NANP: variants seen among roughly 807,000 people sequenced by gnomAD.
The protein encoded by NANP is N-acetylneuraminic acid phosphatase.
Under a neutral mutation model 16.9 loss-of-function variants are expected in NANP, and 15 were observed. The ratio of observed to expected loss-of-function variants is 0.89; its 90% CI spans 0.59 to 1.37. NANP has a LOEUF of 1.37. NANP is among the 40% of genes most tolerant of loss of function. The pLI, the probability that NANP is intolerant of heterozygous loss-of-function variation, is 0.00. For synonymous variants in NANP, 135 were observed against 112.6 expected, an observed-to-expected ratio of 1.20 and a Z score of -1.26; for missense variants, 290 against 303.5, an observed-to-expected ratio of 0.96 and a Z score of 0.33.
chr20:25,617,642 G>A (rs374360566), intron 1 of NANP, among the ~76,000 whole-genome samples: 6 of 151,986 alleles, frequency 3.9e-5, no homozygotes, highest in East Asian at 3.9e-4. Flanking sequence ...TCAGCCTCCC[G>A]CGTAGGTGAG....
In NANP at chr20:25,613,930, A is replaced by G. The variant is rs538281449; in HGVS notation, c.*1995T>C. On this transcript the variant is annotated 3_prime_UTR_variant, in exon 2 of 2. Coordinates refer to ENST00000304788, the MANE Select transcript of NANP (RefSeq NM_152667.3). The stretch of plus-strand genomic sequence containing the variant: ...GACAAGCCCCCTGCAGCACACGCCA[A>G]CCAATCTATCAGAGCAATCATGCAT... The G allele has an allele frequency of 3.5e-5, 14 of 398,300 alleles. No individual in the cohort carries two copies. The highest frequency in any genetic ancestry group is 2.7e-4 in the African/African-American group (13 of 48,744). The allele number at this position is 398,300 out of a possible 1,614,324, so 24.7% of individuals were successfully genotyped here.
At position 25,623,945 on chromosome 20, in the gene NANP, C is replaced by T; in HGVS notation, c.4G>A (p.Gly2Arg). The T allele has an allele frequency of 6.2e-7, 1 of 1,612,720 alleles. No homozygotes were observed. Among genetic ancestry groups the T allele is most frequent in the South Asian group, 1.1e-5 (1 of 91,046 alleles). The stretch of plus-strand genomic sequence containing the variant: ...AAAACCGCCCGCACGCGGCTCAGCC[C>T]CATAGCGCCGGCCGCTGGCGCGAAC... Reference protein sequence around the residue: MGLSRVRAVFFD... With the variant: MRLSRVRAVFFD... Residue 2 changes from glycine (G) to arginine (R), a missense_variant, in exon 1 of 2, where the codon GGG becomes AGG. Physicochemically the swap from Gly to Arg is moderately radical, Grantham distance 125. Transcript: ENST00000304788.
Position 25,615,676 on chromosome 20 carries a change from T to C in NANP, c.*249A>G, listed in dbSNP as rs6050710. ...CAGACTAACAAATAATATATTTCCT[T>C]AAATTTTCTGGGCTATACTACTGAC... is the stretch of plus-strand genomic sequence containing the variant. On this transcript the variant is annotated 3_prime_UTR_variant, in exon 2 of 2. Transcript: ENST00000304788. The C allele has an allele frequency of 0.1, 39,704 of 396,674 alleles. 5,643 individuals are homozygous for C. Among genetic ancestry groups the C allele is most frequent in the African/African-American group, 0.45 (21,799 of 48,180 alleles). The allele number at this position is 396,674 out of a possible 1,614,324, so 24.6% of individuals were successfully genotyped here.
At chr20:25,616,631 C>T in intron 1 of NANP, 50 bp from the exon 2 acceptor site, 1 of 1,414,578 alleles carries the variant, frequency 7.1e-7, no homozygotes, top group African/African-American at 1.4e-5. Flanking sequence ...CTTTAGTAGT[C>T]ATGCCCTAGG....
At chr20:25,622,672 G>T (rs1020929131) in intron 1 of NANP, among the ~76,000 whole-genome samples, 1 of 152,246 alleles carries the variant, frequency 6.6e-6, no homozygotes, top group African/African-American at 2.4e-5. Flanking sequence ...TAAAAGTGTG[G>T]AATGCCTCAG....
rs1199353730 is a variant in NANP, at chr20:25,616,021, C to T, written c.651G>A (p.Leu217=). The T allele has an allele frequency of 1.2e-6, 2 of 1,614,236 alleles. No homozygotes were observed. Among genetic ancestry groups the T allele is most frequent in the Admixed American group, 1.7e-5 (1 of 60,028 alleles). ...VWINKNGIVP[L]KSSPVPHYMV... is the part of the protein sequence containing the mutation. ...TGTAATGCGGAACTGGGGAGGACTT[C>T]AGTGGCACTATTCCATTTTTATTGA... The change falls in exon 2 of 2, where the codon CTG becomes CTA. Residue 217 remains leucine (L), a synonymous_variant. Coordinates refer to ENST00000304788, the MANE Select transcript of NANP (RefSeq NM_152667.3).
intron 1 of NANP, among the ~76,000 whole-genome samples, chr20:25,622,270 C>A (rs190715834): frequency 6.6e-6 from 1 of 152,178 alleles, no homozygotes; most frequent in South Asian, 2.1e-4. Flanking sequence ...GAGACATGCA[C>A]GGGGCATGTG....
chr20:25,623,663 C>T (rs2065377163), intron 1 of NANP, among the ~76,000 whole-genome samples, 196 bp downstream of exon 1: 1 of 152,188 alleles, frequency 6.6e-6, no homozygotes. Flanking sequence ...GACAAGCGGC[C>T]GCCAGGCCAG....
chr20:25,614,532 C>A lies in NANP; in HGVS notation c.*1393G>T, dbSNP rs949190404. On this transcript the variant is annotated 3_prime_UTR_variant, in exon 2 of 2. Coordinates refer to ENST00000304788, the MANE Select transcript of NANP (RefSeq NM_152667.3). ...CTATGTAGCCATTAATTATTAAGCT[C>A]CTGGTAAACCCTGAATTAGATATAG... 6.6e-6 allele frequency: 1 copy of A among 151,266 alleles called. No homozygotes were observed. 9.4% of individuals were successfully genotyped at this position (151,266 alleles called of 1,614,324 possible).
In NANP at chr20:25,614,035, GAAACTAC is replaced by G; in HGVS notation, c.*1883_*1889del. On this transcript the variant is annotated 3_prime_UTR_variant, in exon 2 of 2. Coordinates refer to ENST00000304788, the MANE Select transcript of NANP (RefSeq NM_152667.3). ...TCAAGGTCATATGGGTACTGCATTT[GAAACTAC>G]AAACATCCTCTGTTCACAAATGTTC... 2.5e-6 allele frequency: 1 copy of G among 392,486 alleles called. No individual in the cohort carries two copies. Among genetic ancestry groups the G allele is most frequent in the Non-Finnish European group, 4.5e-6 (1 of 222,660 alleles). The allele number at this position is 392,486 out of a possible 1,614,324, so 24.3% of individuals were successfully genotyped here.
At chr20:25,617,357 G>A (rs1365047174) in intron 1 of NANP, among the ~76,000 whole-genome samples, 4 of 152,036 alleles carry the variant, frequency 2.6e-5, no homozygotes, top group African/African-American at 4.8e-5. Flanking sequence ...GATTACAGGC[G>A]CCCACCACGA....
chr20:25,616,167 T>C lies in NANP; in HGVS notation c.505A>G (p.Ile169Val). ...EQREEKPAPS[I>V]FYYCCNLLGV... ...AGAAGATTGCAGCAGTAATAAAATA[T>C]GGACGGTGCTGGTTTCTCCTCTCTC... is the stretch of plus-strand genomic sequence containing the variant. Residue 169 changes from isoleucine (I) to valine (V), a missense_variant, in exon 2 of 2, where the codon ATA becomes GTA. Ile to Val is a conservative substitution (Grantham distance 29). Transcript: ENST00000304788. The C allele has an allele frequency of 1.9e-6, 3 of 1,614,190 alleles. No individual in the cohort carries two copies. Among genetic ancestry groups the C allele is most frequent in the Non-Finnish European group, 2.5e-6 (3 of 1,180,036 alleles).
At chr20:25,621,893 G>A (rs1178706227) in intron 1 of NANP, among the ~76,000 whole-genome samples, 2 of 152,192 alleles carry the variant, frequency 1.3e-5, no homozygotes, top group Non-Finnish European at 2.9e-5. Context: ...TTATAAAGGA[G>A]GCAGTAATAG....
In NANP at chr20:25,615,764, T is replaced by C. The variant is rs563029714; in HGVS notation, c.*161A>G. ...CACTCAATGGTTGGTTGTTACAACT[T>C]AGAAGCAATAGGGTTGGGAAGACCT... On this transcript the variant is annotated 3_prime_UTR_variant, in exon 2 of 2. Transcript: ENST00000304788. 1.5e-6 allele frequency: 1 copy of C among 689,398 alleles called. No homozygotes were observed. Among genetic ancestry groups the C allele is most frequent in the East Asian group, 2.8e-5 (1 of 36,150 alleles). The allele number at this position is 689,398 out of a possible 1,614,324, so 42.7% of individuals were successfully genotyped here.
At chr20:25,619,282 C>T (rs1327567479) in intron 1 of NANP, among the ~76,000 whole-genome samples, 2 of 152,054 alleles carry the variant, frequency 1.3e-5, no homozygotes, top group Non-Finnish European at 2.9e-5. Context: ...CACCACCATA[C>T]CCAGCTAATA....
rs1271585886 is a variant in NANP at position 25,613,884 on chromosome 20, A to G, written c.*2041T>C. 1 of 398,448 alleles carries G rather than the reference A, an allele frequency of 2.5e-6. No homozygotes were observed. Among genetic ancestry groups the G allele is most frequent in the South Asian group, 1.3e-4 (1 of 7,862 alleles). The allele number at this position is 398,448 out of a possible 1,614,324, so 24.7% of individuals were successfully genotyped here. A position where few individuals can be genotyped will look rare whatever the true frequency, so the allele number is the denominator to read the frequency against. On this transcript the variant is annotated 3_prime_UTR_variant, in exon 2 of 2. Transcript: ENST00000304788. ...AATGAATGTGACACTGCCTACATCCATCCTGTGGGAGAGTTAAAAGGACAA... is the reference window on the plus strand; with the variant it reads ...AATGAATGTGACACTGCCTACATCCGTCCTGTGGGAGAGTTAAAAGGACAA...
In NANP at chr20:25,614,438, T is replaced by C. The variant is rs2065334123; in HGVS notation, c.*1487A>G. ...TCAACCACTTTACTCCAGGTTTGGTTAGTATAATCATGAGACTGTCTAGCC... is the reference window on the plus strand; with the variant it reads ...TCAACCACTTTACTCCAGGTTTGGTCAGTATAATCATGAGACTGTCTAGCC... On this transcript the variant is annotated 3_prime_UTR_variant, in exon 2 of 2. Transcript: ENST00000304788. 1 of 152,204 alleles carries C rather than the reference T, an allele frequency of 6.6e-6. No individual in the cohort carries two copies. The highest frequency in any genetic ancestry group is 2.1e-4 in the South Asian group (1 of 4,830). The allele number at this position is 152,204 out of a possible 1,614,324, so 9.4% of individuals were successfully genotyped here. A position where few individuals can be genotyped will look rare whatever the true frequency, so the allele number is the denominator to read the frequency against.
chr20:25,621,485 C>T (rs1009998551), intron 1 of NANP, among the ~76,000 whole-genome samples: 2 of 152,210 alleles, frequency 1.3e-5, no homozygotes, highest in African/African-American at 2.4e-5. Flanking sequence ...TACATACAGT[C>T]AGTATATGAC....
At chr20:25,621,052 C>A (rs2065362727) in intron 1 of NANP, among the ~76,000 whole-genome samples, 2 of 152,072 alleles carry the variant, frequency 1.3e-5, no homozygotes, top group African/African-American at 4.8e-5. Flanking sequence ...CTACTGAAAT[C>A]AATAGGGATC....
Sources: gnomAD v4.1 joint callset for allele counts (sites outside exome capture counted in the v4.1 genomes callset) on GRCh38, gnomAD v4.1.1 for gene constraint, MANE v1.5 for transcripts, NCBI Gene and HGNC (gene_info 2026-07-23, HGNC 2026-07-21) for gene names.